Variants in ASAP1 observed in about 807,000 individuals in gnomAD.
ASAP1 encodes arf-GAP with SH3 domain, ANK repeat and PH domain-containing protein 1.
In ASAP1, 43 loss-of-function variants were observed where a neutral mutation model predicts 145.2. The observed-to-expected ratio is 0.30, with a 90% confidence interval of 0.23 to 0.38. The LOEUF is 0.38. ASAP1 is among the 10% of genes least tolerant of loss of function. The pLI is 1.00. For missense variants in ASAP1, 1,018 were observed against 1,355.3 expected, an observed-to-expected ratio of 0.75 and a Z score of 3.91; for synonymous variants, 546 against 515.5, an observed-to-expected ratio of 1.06 and a Z score of -0.80.
At position 130,247,927 on chromosome 8, in the gene ASAP1, T is replaced by C. The variant is rs150946702; in HGVS notation, c.187-10933A>G. Among the ~76,000 whole-genome samples the C allele has an allele frequency of 1.3e-4, 20 of 152,148 alleles. No individual in the cohort carries two copies. In the East Asian group the frequency reaches 3.9e-3, roughly 29 times the overall value. ...GGCATGTGTACCTGCATACAGAAAA[T>C]AGGCTTAATATAAATAACCAACCAC... On this transcript the variant is annotated intron_variant, in intron 3 of 29. Transcript: ENST00000518721.
intron 25 of ASAP1, among the ~76,000 whole-genome samples, chr8:130,082,501 C>CT (rs11414704): frequency 0.22 from 29,248 of 130,618 alleles, 3,892 homozygotes; most frequent in East Asian, 0.43. Context: ...CACACGTGGC[C>CT]TTTTTTTTTT....
chr8:130,097,060 A>G (rs1284618610), intron 24 of ASAP1, among the ~76,000 whole-genome samples: 1 of 127,442 alleles, frequency 7.8e-6, no homozygotes, highest in Non-Finnish European at 1.6e-5. Context: ...CGGGAGATGG[A>G]GGTTGCAGTG....
At chr8:130,090,647 G>C (rs1356724802) in intron 25 of ASAP1, among the ~76,000 whole-genome samples, 3 of 152,152 alleles carry the variant, frequency 2.0e-5, no homozygotes, top group African/African-American at 7.2e-5. Context: ...TAAAGAACAT[G>C]TGCTCTAATG....
At chr8:130,249,946 G>A (rs181883742) in intron 3 of ASAP1, among the ~76,000 whole-genome samples, 360 of 151,980 alleles carry the variant, frequency 2.4e-3, no homozygotes, top group African/African-American at 8.4e-3. Flanking sequence ...TGAAAATCAC[G>A]TATTTTCAAA....
At chr8:130,075,520 C>T (rs1408358972) in intron 27 of ASAP1, among the ~76,000 whole-genome samples, 7 of 152,146 alleles carry the variant, frequency 4.6e-5, no homozygotes, top group Non-Finnish European at 8.8e-5. Flanking sequence ...AGGAGCAGGC[C>T]CTGAGCTCCT....
intron 1 of ASAP1, among the ~76,000 whole-genome samples, chr8:130,428,588 CCAT>C (rs1298751210): frequency 4.9e-5 from 7 of 144,164 alleles, no homozygotes; most frequent in South Asian, 2.3e-4. Context: ...ATCATCAACT[CCAT>C]CATCACCACT....
intron 1 of ASAP1, among the ~76,000 whole-genome samples, chr8:130,415,424 T>C (rs1829434292): frequency 6.6e-6 from 1 of 152,242 alleles, no homozygotes; most frequent in Middle Eastern, 3.4e-3. Flanking sequence ...CCTATGACTG[T>C]GCCACTGCAC....
chr8:130,215,239 C>T (rs1261890328), intron 4 of ASAP1, among the ~76,000 whole-genome samples: 3 of 152,084 alleles, frequency 2.0e-5, no homozygotes, highest in Admixed American at 6.5e-5. Context: ...CATTTATAGT[C>T]CAGTTAATCC....
At chr8:130,057,896 G>A (rs981783620) in intron 29 of ASAP1, 58 bp downstream of exon 29, 2 of 1,599,444 alleles carry the variant, frequency 1.3e-6, no homozygotes, top group African/African-American at 2.7e-5. Flanking sequence ...CCAATGTGGT[G>A]CCTGCCCAGG....
At chr8:130,411,632 CAG>C (rs145758111) in intron 1 of ASAP1, among the ~76,000 whole-genome samples, 336 of 152,250 alleles carry the variant, frequency 2.2e-3, no homozygotes, top group African/African-American at 7.9e-3. Context: ...ATACTTTTAA[CAG>C]AGTGTTGTTA....
chr8:130,418,391 T>C (rs1829575795), intron 1 of ASAP1, among the ~76,000 whole-genome samples: 1 of 151,906 alleles, frequency 6.6e-6, no homozygotes, highest in African/African-American at 2.4e-5. Context: ...CTACTAAAAA[T>C]ACAAAAATTA....
intron 3 of ASAP1, among the ~76,000 whole-genome samples, chr8:130,346,823 T>C (rs901641443): frequency 6.8e-6 from 1 of 147,362 alleles, no homozygotes. Flanking sequence ...GTGCTTATTT[T>C]GATTTGTACT....
At chr8:130,112,937 G>A (rs995617449) in intron 23 of ASAP1, among the ~76,000 whole-genome samples, 4 of 152,190 alleles carry the variant, frequency 2.6e-5, no homozygotes, top group Admixed American at 2.6e-4. Context: ...AAACCTCAGT[G>A]TCACCTGGAG....
intron 5 of ASAP1, among the ~76,000 whole-genome samples, chr8:130,201,639 A>C (rs919389495): frequency 5.3e-5 from 8 of 152,236 alleles, no homozygotes; most frequent in African/African-American, 1.9e-4. Context: ...TATAAGACCA[A>C]GACAAAGGAG....
chr8:130,358,111 A>C lies in ASAP1; in HGVS notation c.92T>G (p.Ile31Ser). ...MPDQISVSEF[I>S]AETTEDYNSP... ...GTTGTAGTCCTCGGTGGTCTCGGCG[A>C]TGAACTCCGAGACAGAGATCTGGTC... Residue 31 changes from isoleucine (I) to serine (S), a missense_variant, in exon 3 of 30, where the codon ATC (isoleucine) becomes AGC (serine). Ile to Ser is a moderately radical substitution (Grantham distance 142, BLOSUM62 -2). Coordinates refer to ENST00000518721, the MANE Select transcript of ASAP1 (RefSeq NM_018482.4). This position sits in a 1 kb window ranked among gnomAD's most constrained non-coding sequence, Gnocchi z 4.1. The C allele has an allele frequency of 6.2e-7, 1 of 1,608,046 alleles. No individual in the cohort carries two copies. Among genetic ancestry groups the C allele is most frequent in the Non-Finnish European group, 8.5e-7 (1 of 1,178,076 alleles).
chr8:130,243,323 T>G (rs1818655463), intron 3 of ASAP1, among the ~76,000 whole-genome samples: 1 of 152,178 alleles, frequency 6.6e-6, no homozygotes, highest in Admixed American at 6.5e-5. Flanking sequence ...TCTCTCCCTG[T>G]ACTCCATCAA....
intron 23 of ASAP1, among the ~76,000 whole-genome samples, chr8:130,114,483 GT>G: frequency 6.6e-6 from 1 of 152,208 alleles, no homozygotes; most frequent in Non-Finnish European, 1.5e-5. Context: ...GCTGCTCTGG[GT>G]GTGAGTGAAG....
chr8:130,208,278 A>T (rs1218081496), intron 5 of ASAP1, among the ~76,000 whole-genome samples: 1 of 152,098 alleles, frequency 6.6e-6, no homozygotes. Flanking sequence ...CCATTTTTGC[A>T]TGCATTCATT....
intron 17 of ASAP1, among the ~76,000 whole-genome samples, chr8:130,124,438 A>G (rs1399995923): frequency 2.0e-5 from 3 of 152,234 alleles, no homozygotes; most frequent in Non-Finnish European, 4.4e-5. Flanking sequence ...TATAAACTAT[A>G]TGAGATTACA....
Sources: allele counts gnomAD v4.1 joint callset (sites outside exome capture counted in the v4.1 genomes callset), GRCh38; gene constraint gnomAD v4.1.1; non-coding constraint Gnocchi (gnomAD v3.1); transcripts MANE v1.5; gene names NCBI Gene and HGNC (gene_info 2026-07-23, HGNC 2026-07-21).